MAFK: variants seen among roughly 807,000 people sequenced by gnomAD.
MAFK encodes the protein MAF bZIP transcription factor K.
In MAFK, 1 loss-of-function variant was observed where a neutral mutation model predicts 9.2. That is an observed-to-expected ratio of 0.11 (90% CI 0.04 to 0.52). The LOEUF is 0.52. Among genes scored for constraint, MAFK ranks in the 20% least tolerant of loss-of-function variants. MAFK has a pLI of 0.94. For missense variants in MAFK, 207 were observed against 236.0 expected (o/e 0.88, Z 0.81); for synonymous variants, 110 against 107.4 (o/e 1.02, Z -0.15).
intron 1 of MAFK, 85 bp downstream of exon 1, chr7:1,530,983 C>T (rs1030299771): frequency 6.7e-4 from 98 of 145,966 alleles, no homozygotes; most frequent in African/African-American, 2.3e-3. Flanking sequence ...GCCGCTGAGT[C>T]ACGGCCGCCT....
chr7:1,534,243 A>G lies in MAFK; in HGVS notation c.-45+3345A>G, dbSNP rs551182635. 1 of 455,420 alleles carries G rather than the reference A, an allele frequency of 2.2e-6. No individual in the cohort carries two copies. Among genetic ancestry groups the G allele is most frequent in the African/African-American group, 2.0e-5 (1 of 50,044 alleles). The allele number at this position is 455,420 out of a possible 1,614,324, so 28.2% of individuals were successfully genotyped here. Reference sequence around the variant, plus strand: ...CCTCGCAGTGTAGGACCTCATCCTCAGTAGGAAGGGTGTCTGGCTGGTCTC... The same window carrying G: ...CCTCGCAGTGTAGGACCTCATCCTCGGTAGGAAGGGTGTCTGGCTGGTCTC... On this transcript the variant is annotated intron_variant, in intron 1 of 2. Coordinates refer to ENST00000343242, the MANE Select transcript of MAFK (RefSeq NM_002360.4). This position sits in a 1 kb window ranked among gnomAD's most constrained non-coding sequence, Gnocchi z 4.3.
chr7:1,533,210 C>T (rs1175306611), intron 1 of MAFK, among the ~76,000 whole-genome samples: 1 of 152,164 alleles, frequency 6.6e-6, no homozygotes, highest in African/African-American at 2.4e-5. Flanking sequence ...GTAGAGCCTT[C>T]CTGCTTCTCC....
intron 1 of MAFK, chr7:1,538,343 GC>G: frequency 1.0e-6 from 1 of 984,858 alleles, no homozygotes; most frequent in Non-Finnish European, 1.2e-6. Flanking sequence ...TCTGGCTGCG[GC>G]CCCCGGACCT....
At chr7:1,539,855 C>T in intron 2 of MAFK, 86 bp from the exon 3 acceptor site, 2 of 1,212,098 alleles carry the variant, frequency 1.7e-6, no homozygotes, top group South Asian at 1.6e-5. Flanking sequence ...TGCAGGGGCA[C>T]CGCTGGGTTC....
intron 1 of MAFK, among the ~76,000 whole-genome samples, 197 bp downstream of exon 1, chr7:1,531,095 G>A (rs918259342): frequency 6.7e-6 from 1 of 148,158 alleles, no homozygotes; most frequent in African/African-American, 2.4e-5. Context: ...GCCCCGCCCC[G>A]CAGGCCCGGG....
At chr7:1,539,714 G>A (rs940127128) in intron 2 of MAFK, among the ~76,000 whole-genome samples, 2 of 152,216 alleles carry the variant, frequency 1.3e-5, no homozygotes, top group African/African-American at 4.8e-5. Context: ...AGGAGTGACC[G>A]ATGTCACCAC....
intron 1 of MAFK, chr7:1,538,938 C>T (rs758239365): frequency 1.2e-5 from 6 of 518,308 alleles, no homozygotes; most frequent in Non-Finnish European, 2.1e-5. Context: ...TCCCTGAACC[C>T]TCAGGCAGGG....
At position 1,539,975 on chromosome 7, in the gene MAFK, T is replaced by C. The variant is rs1472122030; in HGVS notation, c.71T>C (p.Leu24Pro). 1 of 1,549,160 alleles carries C rather than the reference T, an allele frequency of 6.5e-7. No homozygotes were observed. The highest frequency in any genetic ancestry group is 8.7e-7 in the Non-Finnish European group (1 of 1,145,060). The change falls in exon 3 of 3, where the codon CTC becomes CCC. Residue 24 changes from leucine (L) to proline (P), a missense_variant. Coordinates refer to ENST00000343242, the MANE Select transcript of MAFK (RefSeq NM_002360.4). Reference protein sequence around the residue: ...KKEAGENAPVLSDDELVSMSV... With the variant: ...KKEAGENAPVPSDDELVSMSV... Reference sequence around the variant, plus strand: ...GAGGCGGGCGAGAACGCCCCGGTGCTCAGCGATGATGAGCTGGTGTCCATG... The same window carrying C: ...GAGGCGGGCGAGAACGCCCCGGTGCCCAGCGATGATGAGCTGGTGTCCATG...
chr7:1,538,574 C>A, intron 1 of MAFK: 1 of 403,080 alleles, frequency 2.5e-6, no homozygotes, highest in Non-Finnish European at 3.4e-6. Context: ...TCTCGGGGAT[C>A]CAGGCTGGGT....
At position 1,534,128 on chromosome 7, in the gene MAFK, G is replaced by A. The variant is rs776600582; in HGVS notation, c.-45+3230G>A. 4.8e-6 allele frequency: 2 copies of A among 417,692 alleles called. No individual in the cohort carries two copies. The highest frequency in any genetic ancestry group is 3.2e-5 in the South Asian group (2 of 61,648). The allele number at this position is 417,692 out of a possible 1,614,324, so 25.9% of individuals were successfully genotyped here. On this transcript the variant is annotated intron_variant, in intron 1 of 2. Transcript: ENST00000343242. The surrounding 1 kb of genome is among the most constrained non-coding windows in gnomAD (Gnocchi z 4.3). ...GGCAGCCAGCCAGGGCCAGGCTGCT[G>A]GCTGGTATGGGCCGGGCTGCGGGGT...
At chr7:1,536,168 C>T (rs902841993) in intron 1 of MAFK, among the ~76,000 whole-genome samples, 9 of 152,228 alleles carry the variant, frequency 5.9e-5, no homozygotes, top group African/African-American at 9.6e-5. Context: ...TTACTTACGT[C>T]GGCTGCTGGG....
At chr7:1,539,322 C>A in intron 2 of MAFK, 94 bp downstream of exon 2, 2 of 1,057,176 alleles carry the variant, frequency 1.9e-6, no homozygotes, top group Non-Finnish European at 2.8e-6. Context: ...CGTCCTGAGC[C>A]TGTGATGGAG....
rs763831551 is a variant in MAFK at position 1,534,484 on chromosome 7, G to T, written c.-45+3586G>T. The T allele has an allele frequency of 1.0e-4, 44 of 439,930 alleles. 2 individuals are homozygous for T. Among genetic ancestry groups the T allele is most frequent in the South Asian group, 6.7e-4 (42 of 63,128 alleles). The allele number at this position is 439,930 out of a possible 1,614,324, so 27.3% of individuals were successfully genotyped here. Reference sequence around the variant, plus strand: ...TGCCGTGGGAGTCACTGGTCGGGGGGCGGGAGGGCGCTTGCTGCTGTGCTG... The same window carrying T: ...TGCCGTGGGAGTCACTGGTCGGGGGTCGGGAGGGCGCTTGCTGCTGTGCTG... On this transcript the variant is annotated intron_variant, in intron 1 of 2. Coordinates refer to ENST00000343242, the MANE Select transcript of MAFK (RefSeq NM_002360.4). The surrounding 1 kb of genome is among the most constrained non-coding windows in gnomAD (Gnocchi z 4.3).
rs910761221 is a variant in MAFK at position 1,534,080 on chromosome 7, C to G, written c.-45+3182C>G. The G allele has an allele frequency of 5.4e-6, 2 of 370,932 alleles. No individual in the cohort carries two copies. Among genetic ancestry groups the G allele is most frequent in the African/African-American group, 4.2e-5 (2 of 47,500 alleles). 23.0% of individuals were successfully genotyped at this position (370,932 alleles called of 1,614,324 possible). On this transcript the variant is annotated intron_variant, in intron 1 of 2. Transcript: ENST00000343242. This position sits in a 1 kb window ranked among gnomAD's most constrained non-coding sequence, Gnocchi z 4.3. ...GTGACCAGACGTCCTCCAAGCCGGG[C>G]CGACAGTCATGGCTTGCTGGAGGGC...
intron 1 of MAFK, chr7:1,537,632 G>C: frequency 1.0e-6 from 1 of 985,616 alleles, no homozygotes; most frequent in Non-Finnish European, 1.2e-6. Flanking sequence ...CTACGTCAGC[G>C]CCCTGAGATC....
In MAFK at chr7:1,534,040, G is replaced by A. The variant is rs1375925272; in HGVS notation, c.-45+3142G>A. On this transcript the variant is annotated intron_variant, in intron 1 of 2. Coordinates refer to ENST00000343242, the MANE Select transcript of MAFK (RefSeq NM_002360.4). This position sits in a 1 kb window ranked among gnomAD's most constrained non-coding sequence, Gnocchi z 4.3. ...GTAGCGGAATGACACAGCTTCCTCA[G>A]ACTGCAAATGCAAGGTGACCAGACG... The A allele has an allele frequency of 2.8e-6, 1 of 356,966 alleles. No individual in the cohort carries two copies. Among genetic ancestry groups the A allele is most frequent in the Non-Finnish European group, 5.7e-6 (1 of 176,950 alleles). 22.1% of individuals were successfully genotyped at this position (356,966 alleles called of 1,614,324 possible).
At chr7:1,539,035 TGCTGTGACTGTCCACCCCGG>T in intron 1 of MAFK, 94 bp from the exon 2 acceptor site, 1 of 790,912 alleles carries the variant, frequency 1.3e-6, no homozygotes, top group South Asian at 1.5e-5. Context: ...GTTTTCATGG[TGCTGTGACTGTCCACCCCGG>T]GCTGAGAAGC....
In MAFK at chr7:1,536,356, C is replaced by T. The variant is rs865840284; in HGVS notation, c.-44-2793C>T. On this transcript the variant is annotated intron_variant, in intron 1 of 2. Coordinates refer to ENST00000343242, the MANE Select transcript of MAFK (RefSeq NM_002360.4). ...GACACAATGCGAGGACGTCGTTCCT[C>T]GGGGGCTGCTGGAGGGGAGCTTGGC... 4.6e-5 allele frequency among the ~76,000 whole-genome samples: 7 copies of T among 152,294 alleles called. No individual in the cohort carries two copies. The Middle Eastern group carries it at 0.014, about 296-fold the overall frequency.
At chr7:1,538,737 G>A (rs151099171) in intron 1 of MAFK, 4 of 201,814 alleles carry the variant, frequency 2.0e-5, no homozygotes, top group East Asian at 1.8e-4. Flanking sequence ...AGGTGCAGAC[G>A]TCTTCTCTGA....
Sources: allele counts gnomAD v4.1 joint callset (sites outside exome capture counted in the v4.1 genomes callset), GRCh38; gene constraint gnomAD v4.1.1; non-coding constraint Gnocchi (gnomAD v3.1); transcripts MANE v1.5; gene names NCBI Gene and HGNC (gene_info 2026-07-23, HGNC 2026-07-21).